The following C2orf80 variants were observed in gnomAD, a reference collection of about 807,000 sequenced individuals.
C2orf80 encodes chromosome 2 open reading frame 80, also known as uncharacterized protein C2orf80.
A neutral mutation model predicts 30.2 loss-of-function variants in C2orf80; 28 were observed. The observed-to-expected ratio is 0.93, with a 90% confidence interval of 0.69 to 1.27. C2orf80 has a LOEUF of 1.27. C2orf80 is among the 50% of genes most tolerant of loss of function. The pLI is 0.00. For synonymous variants in C2orf80, 80 were observed against 76.4 expected (o/e 1.05, Z -0.24); for missense variants, 220 against 231.0 (o/e 0.95, Z 0.31).
chr2:208,175,068 G>A (rs1696239989), intron 6 of C2orf80, among the ~76,000 whole-genome samples: 1 of 152,152 alleles, frequency 6.6e-6, no homozygotes, highest in African/African-American at 2.4e-5. Flanking sequence ...TGGATCAGTT[G>A]AGGTCAGGAG....
At chr2:208,181,966 A>C (rs72974837) in intron 4 of C2orf80, among the ~76,000 whole-genome samples, 5,376 of 152,294 alleles carry the variant, frequency 0.035, 172 homozygotes, top group South Asian at 0.13. Context: ...CTTTTCAGAT[A>C]CAAGGGCAAT....
intron 6 of C2orf80, among the ~76,000 whole-genome samples, chr2:208,175,785 T>C (rs1696270737): frequency 6.6e-6 from 1 of 152,076 alleles, no homozygotes; most frequent in African/African-American, 2.4e-5. Flanking sequence ...TGAAATTATG[T>C]TAAATTCCAA....
chr2:208,186,954 T>C lies in C2orf80; in HGVS notation c.33A>G (p.Lys11=). Residue 11 remains lysine, a synonymous_variant, in exon 2 of 9, where the codon AAA becomes AAG. Coordinates refer to ENST00000341287, the MANE Select transcript of C2orf80 (RefSeq NM_001099334.3). The part of the protein sequence containing the change: MERRLIKKEM[K]KLLGDYIGIR... ...TTCTCAGTCATACTTACAAGAGCTT[T>C]TTCATTTCCTTCTTTATGAGCCTTC... 1 of 1,614,040 alleles carries C rather than the reference T, an allele frequency of 6.2e-7. No individual in the cohort carries two copies. Among genetic ancestry groups the C allele is most frequent in the Non-Finnish European group, 8.5e-7 (1 of 1,179,878 alleles).
At position 208,172,021 on chromosome 2, in the gene C2orf80, C is replaced by T. The variant is rs1394093598; in HGVS notation, c.421G>A (p.Ala141Thr). The change falls in exon 7 of 9, where the codon GCA becomes ACA. Residue 141 changes from alanine to threonine, a missense_variant. By Grantham distance (58) the Ala-to-Thr change is moderately conservative. Coordinates refer to ENST00000341287, the MANE Select transcript of C2orf80 (RefSeq NM_001099334.3). ...LSLHPFAMLT[A>T]PKAAAYARKQ... Reference sequence around the variant, plus strand: ...CGGGCGTATGCTGCTGCTTTGGGTGCTGTTAACATGGCAAAGGGGTGCAAG... The same window carrying T: ...CGGGCGTATGCTGCTGCTTTGGGTGTTGTTAACATGGCAAAGGGGTGCAAG... 6.2e-7 allele frequency: 1 copy of T among 1,613,980 alleles called. No homozygotes were observed. The highest frequency in any genetic ancestry group is 1.1e-5 in the South Asian group (1 of 91,076).
chr2:208,176,916 T>G (rs372449362), intron 6 of C2orf80, among the ~76,000 whole-genome samples: 1,578 of 85,366 alleles, frequency 0.018, 100 homozygotes, highest in African/African-American at 0.027. Context: ...TGTGTATACA[T>G]ATCTGTATAC....
chr2:208,176,783 A>C (rs1158672489), intron 6 of C2orf80, among the ~76,000 whole-genome samples: 5 of 151,380 alleles, frequency 3.3e-5, no homozygotes, highest in Admixed American at 2.0e-4. Context: ...GCTGGGATTC[A>C]AACCCAGGAG....
chr2:208,189,692 C>T (rs1482673771), intron 1 of C2orf80, among the ~76,000 whole-genome samples: 1 of 152,244 alleles, frequency 6.6e-6, no homozygotes, highest in South Asian at 2.1e-4. Context: ...AAAACAAGAC[C>T]GCTGTGTGTT....
intron 6 of C2orf80, among the ~76,000 whole-genome samples, chr2:208,175,711 A>G (rs1696266041): frequency 6.6e-6 from 1 of 151,628 alleles, no homozygotes; most frequent in East Asian, 2.0e-4. Context: ...ATATGTAGCA[A>G]TTAAAGAAGA....
intron 8 of C2orf80, 125 bp downstream of exon 8, chr2:208,170,820 C>G: frequency 1.4e-6 from 1 of 725,670 alleles, no homozygotes; most frequent in Non-Finnish European, 2.4e-6. Context: ...AGCTGGTAAG[C>G]AGTCGGCTCT....
chr2:208,171,018 A>G lies in C2orf80; in HGVS notation c.500T>C (p.Ile167Thr). Reference sequence around the variant, plus strand: ...TGTGGCATTTGCTTCCTTTGCAGAGATGCTGGTGGCATTTTTATTTGTTGT... The same window carrying G: ...TGTGGCATTTGCTTCCTTTGCAGAGGTGCTGGTGGCATTTTTATTTGTTGT... ...KVTTNKNATS[I>T]SAKEANATEW... The change falls in exon 8 of 9, where the codon ATC becomes ACC. Residue 167 changes from isoleucine to threonine, a missense_variant. Transcript: ENST00000341287. The G allele has an allele frequency of 6.2e-7, 1 of 1,614,160 alleles. No homozygotes were observed. Among genetic ancestry groups the G allele is most frequent in the Non-Finnish European group, 8.5e-7 (1 of 1,179,988 alleles).
chr2:208,185,761 G>A (rs1696700450), intron 2 of C2orf80, among the ~76,000 whole-genome samples: 1 of 152,132 alleles, frequency 6.6e-6, no homozygotes, highest in South Asian at 2.1e-4. Context: ...CTTTTCTTCT[G>A]AGTCATTAAG....
intron 8 of C2orf80, among the ~76,000 whole-genome samples, chr2:208,170,464 AC>A (rs1696060859): frequency 6.6e-6 from 1 of 152,138 alleles, no homozygotes; most frequent in African/African-American, 2.4e-5. Flanking sequence ...AGCAGGGGAG[AC>A]TTTAAGCAGG....
intron 6 of C2orf80, among the ~76,000 whole-genome samples, chr2:208,177,014 G>GAT (rs1279436601): frequency 3.2e-5 from 1 of 31,252 alleles, no homozygotes; most frequent in African/African-American, 1.1e-4. Context: ...CATATATACA[G>GAT]ATACATATAT....
At position 208,167,653 on chromosome 2, in the gene C2orf80, T is replaced by A. The variant is rs565917985; in HGVS notation, c.574-1838A>T. ...GTGCGCTGGTGCAATCTCGGCTTAG[T>A]ACAACCTCTGCCTCCTGGGTTCAAG... On this transcript the variant is annotated intron_variant, in intron 8 of 8. Coordinates refer to ENST00000341287, the MANE Select transcript of C2orf80 (RefSeq NM_001099334.3). 8.4e-4 allele frequency among the ~76,000 whole-genome samples: 128 copies of A among 152,164 alleles called. 5 individuals are homozygous for A. In the South Asian group the frequency reaches 0.026, roughly 30 times the overall value.
chr2:208,171,949 C>A (rs1464593838), intron 7 of C2orf80, 39 bp downstream of exon 7: 1 of 1,530,184 alleles, frequency 6.5e-7, no homozygotes, highest in Non-Finnish European at 9.1e-7. Flanking sequence ...CCTAGTTTGA[C>A]TTACATTCCT....
At chr2:208,169,454 G>A (rs1269047566) in intron 8 of C2orf80, among the ~76,000 whole-genome samples, 2 of 151,958 alleles carry the variant, frequency 1.3e-5, no homozygotes, top group Non-Finnish European at 2.9e-5. Context: ...ACCTTCGGCC[G>A]GGCACAGTGG....
intron 8 of C2orf80, among the ~76,000 whole-genome samples, chr2:208,169,451 G>A (rs919484165): frequency 1.3e-5 from 2 of 151,938 alleles, no homozygotes; most frequent in African/African-American, 4.8e-5. Context: ...AATACCTTCG[G>A]CCGGGCACAG....
chr2:208,165,608 T>TG lies in C2orf80; in HGVS notation c.*198_*199insC. The TG allele has an allele frequency of 3.5e-6, 2 of 578,644 alleles. No homozygotes were observed. Among genetic ancestry groups the TG allele is most frequent in the Non-Finnish European group, 5.7e-6 (2 of 349,088 alleles). The allele number at this position is 578,644 out of a possible 1,614,324, so 35.8% of individuals were successfully genotyped here. A position where few individuals can be genotyped will look rare whatever the true frequency, so the allele number is the denominator to read the frequency against. ...CAATGAAGTAGCATAAGGTCACAGT[T>TG]TTTTTTTTTAAGAAAATGTAGCCAT... On this transcript the variant is annotated 3_prime_UTR_variant, in exon 9 of 9. Coordinates refer to ENST00000341287, the MANE Select transcript of C2orf80 (RefSeq NM_001099334.3).
chr2:208,186,245 A>G (rs577912172), intron 2 of C2orf80, among the ~76,000 whole-genome samples: 29 of 152,218 alleles, frequency 1.9e-4, no homozygotes, highest in Non-Finnish European at 3.5e-4. Flanking sequence ...AGGCTTGTTA[A>G]AATAAAATTA....
Sources: allele counts gnomAD v4.1 joint callset (sites outside exome capture counted in the v4.1 genomes callset), GRCh38; gene constraint gnomAD v4.1.1; transcripts MANE v1.5; gene names NCBI Gene and HGNC (gene_info 2026-07-23, HGNC 2026-07-21).